Variants in PRDM5 observed in about 807,000 individuals in gnomAD.
PRDM5 encodes the protein PR domain zinc finger protein 5.
In PRDM5, 56 loss-of-function variants were observed where a neutral mutation model predicts 81.2. The ratio of observed to expected loss-of-function variants is 0.69; its 90% CI spans 0.56 to 0.86. PRDM5 has a LOEUF of 0.86. Ranked by LOEUF, PRDM5 falls within the 40% of genes least tolerant of loss-of-function variation. The pLI is 0.00. For missense variants in PRDM5, 697 were observed against 770.1 expected (o/e 0.91, Z 1.12); for synonymous variants, 267 against 256.4 (o/e 1.04, Z -0.39).
chr4:120,894,614 A>T (rs983624590), intron 2 of PRDM5, among the ~76,000 whole-genome samples: 1 of 152,234 alleles, frequency 6.6e-6, no homozygotes, highest in Non-Finnish European at 1.5e-5. Flanking sequence ...ACAGTATCAA[A>T]TCTTTTGTGT....
chr4:120,755,380 G>T (rs187162850), intron 13 of PRDM5, among the ~76,000 whole-genome samples: 2 of 152,282 alleles, frequency 1.3e-5, no homozygotes, highest in East Asian at 3.9e-4. Context: ...ATGGACAGTA[G>T]CTCAAAATCA....
At chr4:120,892,259 A>G (rs1764137622) in intron 2 of PRDM5, among the ~76,000 whole-genome samples, 1 of 151,726 alleles carries the variant, frequency 6.6e-6, no homozygotes, top group African/African-American at 2.4e-5. Flanking sequence ...TAGAGTATGT[A>G]CCACCTGCAG....
chr4:120,858,525 G>C (rs1760151522), intron 2 of PRDM5, among the ~76,000 whole-genome samples: 1 of 151,982 alleles, frequency 6.6e-6, no homozygotes, highest in African/African-American at 2.4e-5. Flanking sequence ...ATTGTTCAAA[G>C]GATTCTCTCT....
chr4:120,913,560 T>C (rs2148702037), intron 1 of PRDM5, among the ~76,000 whole-genome samples: 1 of 152,286 alleles, frequency 6.6e-6, no homozygotes, highest in Middle Eastern at 3.4e-3. Context: ...GCAGAAGAGA[T>C]GCGACAAAAA....
chr4:120,706,258 A>G (rs1374120841), intron 15 of PRDM5, among the ~76,000 whole-genome samples: 1 of 152,174 alleles, frequency 6.6e-6, no homozygotes, highest in Non-Finnish European at 1.5e-5. Flanking sequence ...ATATATGCAA[A>G]TAACACCTAT....
At chr4:120,823,230 A>T (rs1282699018) in intron 3 of PRDM5, among the ~76,000 whole-genome samples, 2 of 152,182 alleles carry the variant, frequency 1.3e-5, no homozygotes, top group Non-Finnish European at 2.9e-5. Flanking sequence ...AGGAAAGATA[A>T]TAATTTTTAA....
intron 13 of PRDM5, among the ~76,000 whole-genome samples, chr4:120,764,733 G>A (rs1746138528): frequency 6.6e-6 from 1 of 152,140 alleles, no homozygotes; most frequent in African/African-American, 2.4e-5. Context: ...ATTTCTTGGG[G>A]AAAACCTGAA....
intron 2 of PRDM5, among the ~76,000 whole-genome samples, chr4:120,898,364 A>G (rs1764883046): frequency 6.6e-6 from 1 of 152,242 alleles, no homozygotes; most frequent in Non-Finnish European, 1.5e-5. Context: ...AGAAGGAGAC[A>G]GCAATATTTT....
At chr4:120,732,879 T>C (rs922193957) in intron 14 of PRDM5, among the ~76,000 whole-genome samples, 1 of 152,224 alleles carries the variant, frequency 6.6e-6, no homozygotes, top group Non-Finnish European at 1.5e-5. Flanking sequence ...AACTGACCTC[T>C]TATATGCTTT....
chr4:120,714,206 A>C (rs919965543), intron 14 of PRDM5, among the ~76,000 whole-genome samples: 4 of 152,172 alleles, frequency 2.6e-5, no homozygotes, highest in African/African-American at 9.7e-5. Context: ...TGATTTTCCA[A>C]GGATCTGTTG....
At position 120,780,303 on chromosome 4, in the gene PRDM5, G is replaced by T. The variant is rs550562616; in HGVS notation, c.1443+840C>A. ...CTACAAAAATTTTAAAAAATTATCTGGGCATGGTGAGACATGACTAGTCTC... is the reference window on the plus strand; with the variant it reads ...CTACAAAAATTTTAAAAAATTATCTTGGCATGGTGAGACATGACTAGTCTC... On this transcript the variant is annotated intron_variant, in intron 12 of 15. Transcript: ENST00000264808. Among the ~76,000 whole-genome samples the T allele has an allele frequency of 6.6e-5, 10 of 151,954 alleles. No individual in the cohort carries two copies. In the East Asian group the frequency reaches 2.0e-3, roughly 30 times the overall value.
chr4:120,689,200 T>C (rs1733945489), downstream of PRDM5, among the ~76,000 whole-genome samples: 2 of 152,190 alleles, frequency 1.3e-5, no homozygotes, highest in South Asian at 2.1e-4. Flanking sequence ...CCCAATTTCA[T>C]ATTTTAGTCA....
At position 120,853,520 on chromosome 4, in the gene PRDM5, T is replaced by C; in HGVS notation, c.198A>G (p.Glu66=). 1 of 1,613,694 alleles carries C rather than the reference T, an allele frequency of 6.2e-7. No homozygotes were observed. Among genetic ancestry groups the C allele is most frequent in the Admixed American group, 1.7e-5 (1 of 59,994 alleles). Residue 66 remains glutamate, a synonymous_variant, in exon 3 of 16, where the codon GAA becomes GAG. Coordinates refer to ENST00000264808, the MANE Select transcript of PRDM5 (RefSeq NM_018699.4). ...LMWEVRGSKG[E]VLYILDATNP... ...TGGTAGCATCCAAAATGTACAAAAC[T>C]TCTCCCTTACTCCCACGAACCTGAA... is the stretch of plus-strand genomic sequence containing the variant.
chr4:120,862,845 G>A (rs889967041), intron 2 of PRDM5, among the ~76,000 whole-genome samples: 1 of 152,072 alleles, frequency 6.6e-6, no homozygotes, highest in Non-Finnish European at 1.5e-5. Context: ...ATGTATGGCT[G>A]CATTTTTATT....
intron 10 of PRDM5, among the ~76,000 whole-genome samples, chr4:120,796,774 A>AT (rs1578769353): frequency 6.6e-6 from 1 of 152,266 alleles, no homozygotes; most frequent in East Asian, 1.9e-4. Flanking sequence ...TGGTATCATA[A>AT]TTTTTAAATG....
intron 2 of PRDM5, among the ~76,000 whole-genome samples, chr4:120,882,307 C>G (rs923365857): frequency 1.3e-5 from 2 of 152,114 alleles, no homozygotes; most frequent in Non-Finnish European, 2.9e-5. Context: ...GCCACCACAC[C>G]CAGCTAATTT....
chr4:120,699,549 C>T (rs1220075806), intron 15 of PRDM5, among the ~76,000 whole-genome samples: 2 of 152,100 alleles, frequency 1.3e-5, no homozygotes, highest in African/African-American at 4.8e-5. Context: ...GGCGTTCTTC[C>T]CTTTGATCAC....
intron 7 of PRDM5, among the ~76,000 whole-genome samples, chr4:120,812,189 G>T (rs993273184): frequency 1.3e-5 from 2 of 152,094 alleles, no homozygotes; most frequent in African/African-American, 4.8e-5. Flanking sequence ...TTCTCTCATT[G>T]ATGGACACTT....
chr4:120,863,692 A>T (rs2167207), intron 2 of PRDM5, among the ~76,000 whole-genome samples: 68,620 of 152,054 alleles, frequency 0.45, 15,689 homozygotes, highest in Non-Finnish European at 0.48. Flanking sequence ...AACCAACTCC[A>T]TCTAGCGATC....
Sources: gnomAD v4.1 joint callset for allele counts (sites outside exome capture counted in the v4.1 genomes callset) on GRCh38, gnomAD v4.1.1 for gene constraint, MANE v1.5 for transcripts, NCBI Gene and HGNC (gene_info 2026-07-23, HGNC 2026-07-21) for gene names.